Variants in PRKCH observed in about 807,000 individuals in gnomAD.
PRKCH encodes protein kinase C eta.
Under a neutral mutation model 82.5 loss-of-function variants are expected in PRKCH, and 28 were observed. That is an observed-to-expected ratio of 0.34 (90% confidence interval 0.25 to 0.47). The LOEUF (loss-of-function observed/expected upper bound fraction) is 0.47, where lower values mean the gene tolerates loss of function less well. Among genes scored for constraint, PRKCH ranks in the 20% least tolerant of loss-of-function variants. The pLI is 1.00. For synonymous variants in PRKCH, 322 were observed against 327.4 expected, an observed-to-expected ratio of 0.98 and a Z score of 0.18; for missense variants, 705 against 881.8, an observed-to-expected ratio of 0.80 and a Z score of 2.54.
chr14:61,459,443 C>A (rs949491498), intron 9 of PRKCH, among the ~76,000 whole-genome samples: 2 of 152,144 alleles, frequency 1.3e-5, no homozygotes, highest in African/African-American at 4.8e-5. Context: ...GAAGGAGGCT[C>A]AGCACACACA....
chr14:61,410,332 G>A (rs1882199582), intron 2 of PRKCH, among the ~76,000 whole-genome samples: 1 of 152,150 alleles, frequency 6.6e-6, no homozygotes, highest in African/African-American at 2.4e-5. Context: ...TGTTCCATGT[G>A]AAATGGGAGC....
chr14:61,459,014 T>C (rs775110719), intron 9 of PRKCH, among the ~76,000 whole-genome samples: 4 of 152,160 alleles, frequency 2.6e-5, no homozygotes, highest in African/African-American at 4.8e-5. Flanking sequence ...CAGACCATGA[T>C]TGGTTCACAC....
intron 10 of PRKCH, among the ~76,000 whole-genome samples, chr14:61,505,395 C>CTTTTTCTTTTTT (rs1887099057): frequency 5.4e-5 from 3 of 55,738 alleles, no homozygotes; most frequent in African/African-American, 2.0e-4. Context: ...CTTTTCTTTT[C>CTTTTTCTTTTTT]TTTTTTTTTT....
At chr14:61,338,742 G>T (rs1048454422) in intron 1 of PRKCH, among the ~76,000 whole-genome samples, 1 of 152,050 alleles carries the variant, frequency 6.6e-6, no homozygotes, top group African/African-American at 2.4e-5. Flanking sequence ...TCCTTTTCTG[G>T]CAAAATAAGT....
chr14:61,419,747 A>G (rs1177968730), intron 2 of PRKCH, among the ~76,000 whole-genome samples: 1 of 152,258 alleles, frequency 6.6e-6, no homozygotes, highest in Admixed American at 6.5e-5. Context: ...TGTTATAAAC[A>G]AAGCAAAAGA....
rs2045249745 is a variant in PRKCH, at chr14:61,280,545, G to A, written c.-19+92877G>A. The A allele has an allele frequency of 1.2e-6, 2 of 1,611,674 alleles. No homozygotes were observed. Among genetic ancestry groups the A allele is most frequent in the East Asian group, 4.5e-5 (2 of 44,824 alleles). ...GCGGGTTGCGGAACTTGACGTGGTA[G>A]TCGGTCCACCAGGCGATGCCGGAGC... is the stretch of plus-strand genomic sequence containing the variant. On this transcript the variant is annotated intron_variant, in intron 1 of 3. Coordinates refer to the PRKCH transcript ENST00000555185. The surrounding 1 kb of genome is among the most constrained non-coding windows in gnomAD (Gnocchi z 5.0).
At chr14:61,306,753 G>T (rs1032392221) in intron 1 of PRKCH, 7 of 152,072 alleles carry the variant, frequency 4.6e-5, no homozygotes, top group Non-Finnish European at 8.8e-5. Flanking sequence ...TAAATTTAAA[G>T]ATCTGTCTTT....
chr14:61,420,161 TG>T (rs1882760252), intron 2 of PRKCH, among the ~76,000 whole-genome samples: 1 of 152,138 alleles, frequency 6.6e-6, no homozygotes, highest in Non-Finnish European at 1.5e-5. Context: ...TTGTACTAAA[TG>T]GGTCATGTGT....
At chr14:61,348,398 A>G (rs2046025045) in intron 1 of PRKCH, among the ~76,000 whole-genome samples, 1 of 152,218 alleles carries the variant, frequency 6.6e-6, no homozygotes, top group Non-Finnish European at 1.5e-5. Flanking sequence ...CTGGAAAAAC[A>G]GGTGGTCTGG....
intron 1 of PRKCH, among the ~76,000 whole-genome samples, chr14:61,347,485 A>G (rs1358658131): frequency 6.6e-6 from 1 of 152,114 alleles, no homozygotes; most frequent in African/African-American, 2.4e-5. Context: ...GCTGGGCTTA[A>G]CTGTGGTGTT....
intron 1 of PRKCH, chr14:61,279,968 C>A (rs1259807460): frequency 3.6e-6 from 3 of 824,368 alleles, no homozygotes; most frequent in Non-Finnish European, 5.7e-6. Flanking sequence ...TATCTGGTCC[C>A]CTCATTCACA....
At chr14:61,270,903 G>A (rs1228239775) in intron 1 of PRKCH, among the ~76,000 whole-genome samples, 2 of 152,206 alleles carry the variant, frequency 1.3e-5, no homozygotes, top group Non-Finnish European at 2.9e-5. Context: ...GGGCCCAGGA[G>A]GTCAAGGCTG....
chr14:61,271,543 T>C, intron 1 of PRKCH, among the ~76,000 whole-genome samples: 1 of 152,272 alleles, frequency 6.6e-6, no homozygotes, highest in East Asian at 1.9e-4. Flanking sequence ...TTGACTCCTT[T>C]AGCGAGCCTC....
At chr14:61,420,167 A>C (rs1311534103) in intron 2 of PRKCH, among the ~76,000 whole-genome samples, 1 of 152,006 alleles carries the variant, frequency 6.6e-6, no homozygotes, top group African/African-American at 2.4e-5. Flanking sequence ...TAAATGGGTC[A>C]TGTGTGCCTC....
intron 2 of PRKCH, among the ~76,000 whole-genome samples, chr14:61,412,761 C>T (rs1882335650): frequency 6.6e-6 from 1 of 152,178 alleles, no homozygotes; most frequent in South Asian, 2.1e-4. Context: ...AGCCCCTTCC[C>T]ACTTTTTTTC....
intron 1 of PRKCH, among the ~76,000 whole-genome samples, chr14:61,373,691 C>T (rs552537577): frequency 1.5e-4 from 23 of 152,200 alleles, no homozygotes; most frequent in African/African-American, 4.8e-4. Context: ...ACCTCTGCCT[C>T]GCAGGTTCAA....
chr14:61,361,553 C>G (rs1158068494), intron 1 of PRKCH, among the ~76,000 whole-genome samples: 15 of 152,116 alleles, frequency 9.9e-5, no homozygotes, highest in Admixed American at 9.8e-4. Flanking sequence ...TACAATAAGG[C>G]TCATTTTATA....
chr14:61,280,338 G>A lies in PRKCH; in HGVS notation c.-19+92670G>A. ...GCAGCCCGGCCGAGTAGTTGCCCTG[G>A]CGGATGCGCGCGTACAGTTTGCGGA... is the stretch of plus-strand genomic sequence containing the variant. On this transcript the variant is annotated intron_variant, in intron 1 of 3. Coordinates refer to the PRKCH transcript ENST00000555185. This position sits in a 1 kb window ranked among gnomAD's most constrained non-coding sequence, Gnocchi z 5.0. 1 of 1,613,872 alleles carries A rather than the reference G, an allele frequency of 6.2e-7. No homozygotes were observed. Among genetic ancestry groups the A allele is most frequent in the Non-Finnish European group, 8.5e-7 (1 of 1,179,932 alleles).
rs1253050141 is a variant in PRKCH, at chr14:61,549,844, TGAGA to T, written c.*19_*22del. The T allele has an allele frequency of 1.2e-6, 2 of 1,610,898 alleles. No individual in the cohort carries two copies. Among genetic ancestry groups the T allele is most frequent in the Admixed American group, 3.4e-5 (2 of 59,536 alleles). On this transcript the variant is annotated 3_prime_UTR_variant, in exon 14 of 14. Coordinates refer to ENST00000332981, the MANE Select transcript of PRKCH (RefSeq NM_006255.5). ...ATTGCAACCATAGCCTTATGGGGAG[TGAGA>T]GAGAGGGCACGAGAACCCAAAGGGA...
Sources: allele counts gnomAD v4.1 joint callset (sites outside exome capture counted in the v4.1 genomes callset), GRCh38; gene constraint gnomAD v4.1.1; non-coding constraint Gnocchi (gnomAD v3.1); transcripts MANE v1.5; gene names NCBI Gene and HGNC (gene_info 2026-07-23, HGNC 2026-07-21).